The following ZBED6 variants were observed in gnomAD, a reference collection of about 807,000 sequenced individuals.
ZBED6 encodes the protein zinc finger BED domain-containing protein 6.
In ZBED6, 40 loss-of-function variants were observed where a neutral mutation model predicts 58.4. The ratio of observed to expected loss-of-function variants is 0.68; its 90% confidence interval spans 0.53 to 0.89. The LOEUF (loss-of-function observed/expected upper bound fraction) is 0.89, where lower values mean the gene tolerates loss of function less well. Ranked by LOEUF, ZBED6 falls within the 40% of genes least tolerant of loss-of-function variation. The pLI, the probability that ZBED6 is intolerant of heterozygous loss-of-function variation, is 0.00. For synonymous variants in ZBED6, 439 were observed against 350.6 expected, an observed-to-expected ratio of 1.25 and a Z score of -2.82; for missense variants, 1,057 against 1,003.9, an observed-to-expected ratio of 1.05 and a Z score of -0.71.
At chr1:203,846,813 C>T (rs558393519) in intron 11 of ZBED6, among the ~76,000 whole-genome samples, 1 of 152,196 alleles carries the variant, frequency 6.6e-6, no homozygotes, top group South Asian at 2.1e-4. Context: ...TTGAGGACCA[C>T]TGCCTGGAAC....
chr1:203,810,675 T>C (rs1247786357), intron 1 of ZBED6, among the ~76,000 whole-genome samples: 1 of 152,114 alleles, frequency 6.6e-6, no homozygotes, highest in Non-Finnish European at 1.5e-5. Context: ...CGCCTCGGAC[T>C]CCCAAAATGC....
At chr1:203,822,006 C>T (rs549410293) in intron 3 of ZBED6, among the ~76,000 whole-genome samples, 1 of 152,232 alleles carries the variant, frequency 6.6e-6, no homozygotes, top group East Asian at 1.9e-4. Context: ...ATCCGCCCGC[C>T]TTGGCCTCCC....
intron 12 of ZBED6, 103 bp downstream of exon 12, chr1:203,847,790 C>T (rs1479854013): frequency 2.0e-6 from 3 of 1,485,896 alleles, no homozygotes; most frequent in South Asian, 1.4e-5. Context: ...TTTCTTTACT[C>T]AGATAACGTT....
chr1:203,806,048 A>G (rs1672224125), intron 1 of ZBED6: 1 of 527,406 alleles, frequency 1.9e-6, no homozygotes, highest in South Asian at 1.6e-5. Context: ...TGCTGCTCAT[A>G]CATCCGCTTT....
At chr1:203,833,734 T>A (rs1683265451) in intron 8 of ZBED6, 57 bp from the exon 9 acceptor site, 2 of 1,497,614 alleles carry the variant, frequency 1.3e-6, no homozygotes, top group Admixed American at 1.9e-5. Context: ...CCATTAGTAG[T>A]TACTGAATAC....
intron 8 of ZBED6, among the ~76,000 whole-genome samples, chr1:203,833,475 G>A (rs1456315281): frequency 6.6e-6 from 1 of 151,750 alleles, no homozygotes; most frequent in Non-Finnish European, 1.5e-5. Context: ...AAGTTGCAAT[G>A]AGCCAAGATG....
At chr1:203,805,737 C>T in intron 1 of ZBED6, 1 of 667,676 alleles carries the variant, frequency 1.5e-6, no homozygotes, top group Non-Finnish European at 2.9e-6. Flanking sequence ...CTAAATAGAA[C>T]TCTTGGTCAG....
At chr1:203,847,160 CAT>C (rs1447832174) in intron 11 of ZBED6, 22 bp from the exon 12 acceptor site, 5 of 1,609,572 alleles carry the variant, frequency 3.1e-6, no homozygotes, top group African/African-American at 2.7e-5. Flanking sequence ...AGTATAATGA[CAT>C]GTTTTTCTCC....
chr1:203,847,083 T>G, intron 11 of ZBED6, 101 bp from the exon 12 acceptor site: 1 of 1,248,806 alleles, frequency 8.0e-7, no homozygotes, highest in Non-Finnish European at 1.1e-6. Flanking sequence ...GCTTAAATGA[T>G]AGCTCTCTGT....
intron 1 of ZBED6, among the ~76,000 whole-genome samples, chr1:203,804,706 C>G (rs1488942584): frequency 7.3e-6 from 1 of 136,182 alleles, no homozygotes; most frequent in African/African-American, 2.8e-5. Flanking sequence ...GAGTATTGCT[C>G]TCGTTGCCTA....
At chr1:203,829,694 G>A in intron 5 of ZBED6, 40 bp downstream of exon 5, 4 of 1,612,768 alleles carry the variant, frequency 2.5e-6, no homozygotes, top group East Asian at 2.2e-5. Flanking sequence ...CAAATAAATA[G>A]GGTCTCATAG....
intron 1 of ZBED6, chr1:203,805,601 T>G (rs374791970): frequency 4.7e-6 from 3 of 636,944 alleles, no homozygotes; most frequent in East Asian, 4.1e-5. Flanking sequence ...TTTTACATGA[T>G]GTACTTAAAT....
chr1:203,811,287 A>G (rs1179991432), intron 1 of ZBED6, among the ~76,000 whole-genome samples: 1 of 152,188 alleles, frequency 6.6e-6, no homozygotes, highest in Non-Finnish European at 1.5e-5. Context: ...CAGCCTGGGC[A>G]ACAAGAGCAA....
intron 9 of ZBED6, among the ~76,000 whole-genome samples, chr1:203,836,872 G>A (rs1305921381): frequency 1.3e-5 from 2 of 152,206 alleles, no homozygotes; most frequent in Non-Finnish European, 2.9e-5. Context: ...CAGAACCTTA[G>A]ATTTCTTTTC....
intron 11 of ZBED6, among the ~76,000 whole-genome samples, chr1:203,843,865 CT>C (rs1007632278): frequency 6.6e-6 from 1 of 150,476 alleles, no homozygotes; most frequent in Non-Finnish European, 1.5e-5. Flanking sequence ...GGGATTTCTT[CT>C]TTTTTTTTGA....
At chr1:203,829,171 A>T in intron 4 of ZBED6, 1 of 430,096 alleles carries the variant, frequency 2.3e-6, no homozygotes, top group Non-Finnish European at 4.2e-6. Context: ...TTAAAATTAA[A>T]GGTCTAGAAT....
At chr1:203,828,669 C>A (rs1435256777) in intron 4 of ZBED6, among the ~76,000 whole-genome samples, 5 of 152,212 alleles carry the variant, frequency 3.3e-5, no homozygotes, top group Non-Finnish European at 5.9e-5. Flanking sequence ...CTTATCAGAC[C>A]CATAAACGTT....
chr1:203,798,612 A>G, exon 1 of ZBED6: 1 of 1,536,152 alleles, frequency 6.5e-7, no homozygotes, highest in Non-Finnish European at 8.7e-7. Flanking sequence ...TGAGGACCTT[A>G]GTGACTCTGA....
chr1:203,812,374 T>A (rs1674777707), intron 1 of ZBED6, among the ~76,000 whole-genome samples: 1 of 152,144 alleles, frequency 6.6e-6, no homozygotes, highest in Non-Finnish European at 1.5e-5. Context: ...GAACATGCTG[T>A]ATTTGGTTTC....
Sources: gnomAD v4.1 joint callset for allele counts (sites outside exome capture counted in the v4.1 genomes callset) on GRCh38, gnomAD v4.1.1 for gene constraint, MANE v1.5 for transcripts, NCBI Gene and HGNC (gene_info 2026-07-23, HGNC 2026-07-21) for gene names.